The following VPS45 variants were observed in gnomAD, a reference collection of about 807,000 sequenced individuals.
VPS45 encodes the protein vacuolar protein sorting 45 homolog, also known as vacuolar protein sorting-associated protein 45.
In VPS45, 35 loss-of-function variants were observed where a neutral mutation model predicts 75.9. That is an observed-to-expected ratio of 0.46 (90% CI 0.35 to 0.61). VPS45 has a LOEUF of 0.61. Ranked by LOEUF, VPS45 falls within the 20% of genes least tolerant of loss-of-function variation. The pLI, the probability that VPS45 is intolerant of heterozygous loss-of-function variation, is 0.00. For missense variants in VPS45, 559 were observed against 685.9 expected, an observed-to-expected ratio of 0.81 and a Z score of 2.07; for synonymous variants, 220 against 238.2, an observed-to-expected ratio of 0.92 and a Z score of 0.70.
At chr1:150,067,993 A>G (rs1553796217) in intron 1 of VPS45, 43 bp downstream of exon 1, 1 of 1,559,846 alleles carries the variant, frequency 6.4e-7, no homozygotes, top group South Asian at 1.1e-5. Context: ...AACCCTCTCA[A>G]CCTTACAATT....
Position 150,076,063 on chromosome 1 carries a change from A to AATATATAT in VPS45, c.290-156_290-149dup, listed in dbSNP as rs71825614. ...CACCGCGCCTGGCCAGTCCTTTTAA[A>AATATATAT]ATATATATATATATATATATAAAAT... On this transcript the variant is annotated intron_variant, in intron 3 of 14. Transcript: ENST00000644510. 5.0e-3 allele frequency among the ~76,000 whole-genome samples: 702 copies of AATATATAT among 140,038 alleles called. 8 individuals carry two copies. Among genetic ancestry groups the AATATATAT allele is most frequent in the African/African-American group, 0.019 (660 of 35,274 alleles). 91.9% of individuals were successfully genotyped at this position (140,038 alleles called of 152,430 possible). A position where few individuals can be genotyped will look rare whatever the true frequency, so the allele number is the denominator to read the frequency against.
At position 150,077,656 on chromosome 1, in the gene VPS45, C is replaced by A. The variant is rs375079523; in HGVS notation, c.577-13C>A. On this transcript the variant is annotated splice_polypyrimidine_tract_variant and intron_variant, in intron 6 of 14. Transcript: ENST00000644510. Reference sequence around the variant, plus strand: ...AGATGGTTGCACAAACCATCTTTCTCTCTCACCCACAGCAAGTGATAACTA... The same window carrying A: ...AGATGGTTGCACAAACCATCTTTCTATCTCACCCACAGCAAGTGATAACTA... 2 of 1,588,058 alleles carry A rather than the reference C, an allele frequency of 1.3e-6. No homozygotes were observed. Among genetic ancestry groups the A allele is most frequent in the Non-Finnish European group, 1.7e-6 (2 of 1,156,622 alleles).
At chr1:150,077,875 C>T in intron 7 of VPS45, 96 bp downstream of exon 7, 2 of 998,484 alleles carry the variant, frequency 2.0e-6, no homozygotes, top group Non-Finnish European at 3.1e-6. Flanking sequence ...ATTTATTTGC[C>T]TCCTTATTTT....
In VPS45 at chr1:150,098,031, T is replaced by C. The variant is rs375626660; in HGVS notation, c.1493+4383T>C. 9.9e-5 allele frequency among the ~76,000 whole-genome samples: 15 copies of C among 152,224 alleles called. No individual in the cohort carries two copies. In the East Asian group the frequency reaches 2.3e-3, roughly 24 times the overall value. ...TACCTAGCTAATTTTTGCATTTTTA[T>C]AGAGACAAGGTTTTGCTATGTTGCC... On this transcript the variant is annotated intron_variant, in intron 13 of 14. Coordinates refer to ENST00000644510, the MANE Select transcript of VPS45 (RefSeq NM_007259.5).
Position 150,144,705 on chromosome 1 carries a change from T to C in VPS45, c.1626-4T>C, listed in dbSNP as rs1327671540. On this transcript the variant is annotated splice_region_variant and splice_polypyrimidine_tract_variant and intron_variant, in intron 14 of 14. Transcript: ENST00000644510. ...CCTTCAAGTAACCTCAAACTACTTA[T>C]CAGTTTCCTAGAGGAAGTTCTGGCT... 6.8e-6 allele frequency: 11 copies of C among 1,609,220 alleles called. No homozygotes were observed. The highest frequency in any genetic ancestry group is 8.5e-6 in the Non-Finnish European group (10 of 1,177,320).
rs587622526 is a variant in VPS45, at chr1:150,116,337, G to T, written c.1625+5710G>T. 3.3e-5 allele frequency among the ~76,000 whole-genome samples: 5 copies of T among 152,264 alleles called. No homozygotes were observed. The East Asian group carries it at 9.6e-4, about 29-fold the overall frequency. ...GCTATTTTTTCAAGTGTCTCCCTTTGCTGCTAATAAAGCAATAATAGTTCA... is the reference window on the plus strand; with the variant it reads ...GCTATTTTTTCAAGTGTCTCCCTTTTCTGCTAATAAAGCAATAATAGTTCA... On this transcript the variant is annotated intron_variant, in intron 14 of 14. Coordinates refer to ENST00000644510, the MANE Select transcript of VPS45 (RefSeq NM_007259.5).
intron 10 of VPS45, among the ~76,000 whole-genome samples, chr1:150,086,971 C>CAAA (rs1553800822): frequency 0.16 from 23,127 of 149,062 alleles, 1,865 homozygotes; most frequent in African/African-American, 0.2. Context: ...TAAACTAAAA[C>CAAA]AAAAAAAAAG....
In VPS45 at chr1:150,076,905, T is replaced by C. The variant is rs782621019; in HGVS notation, c.370-11T>C. On this transcript the variant is annotated splice_polypyrimidine_tract_variant and intron_variant, in intron 4 of 14. Coordinates refer to ENST00000644510, the MANE Select transcript of VPS45 (RefSeq NM_007259.5). ...TTTATGGAATGACTATTCTTGGTGCTTTATTTGCAGGAATTTTATGGTGAT... is the reference window on the plus strand; with the variant it reads ...TTTATGGAATGACTATTCTTGGTGCCTTATTTGCAGGAATTTTATGGTGAT... 1.4e-5 allele frequency: 23 copies of C among 1,613,862 alleles called. No homozygotes were observed. Among genetic ancestry groups the C allele is most frequent in the African/African-American group, 2.7e-5 (2 of 74,942 alleles).
chr1:150,099,831 T>TC lies in VPS45; in HGVS notation c.1493+6184dup, dbSNP rs1380276750. Among the ~76,000 whole-genome samples the TC allele has an allele frequency of 2.7e-3, 23 of 8,542 alleles. No individual in the cohort carries two copies. In the East Asian group the frequency reaches 0.034, roughly 13 times the overall value. The allele number at this position is 8,542 out of a possible 152,430, so 5.6% of individuals were successfully genotyped here. A position where few individuals can be genotyped will look rare whatever the true frequency, so the allele number is the denominator to read the frequency against. ...CTGGGGGACAGAGCGAGACTCCGTC[T>TC]CAAAAAAAAAAAAAAAAAAAGAGCC... On this transcript the variant is annotated intron_variant, in intron 13 of 14. Coordinates refer to ENST00000644510, the MANE Select transcript of VPS45 (RefSeq NM_007259.5).
chr1:150,068,902 T>TG, intron 2 of VPS45, 138 bp downstream of exon 2: 1 of 917,698 alleles, frequency 1.1e-6, no homozygotes, highest in Non-Finnish European at 1.5e-6. Flanking sequence ...TGTTATAACC[T>TG]TCATTTTTCT....
intron 14 of VPS45, among the ~76,000 whole-genome samples, chr1:150,133,593 A>G (rs1559944716): frequency 6.6e-6 from 1 of 152,132 alleles, no homozygotes; most frequent in African/African-American, 2.4e-5. Context: ...TTCAGCATTC[A>G]TGGTTGCTAC....
chr1:150,067,655 G>A, upstream of VPS45: 1 of 548,504 alleles, frequency 1.8e-6, no homozygotes, highest in East Asian at 3.1e-5. Flanking sequence ...GGCCGTCTCA[G>A]CCGGATTTTT....
In VPS45 at chr1:150,081,385, A is replaced by G; in HGVS notation, c.731A>G (p.Asn244Ser). Reference protein sequence around the residue: ...AMVHELLGINNNRIDLSRVPG... With the variant: ...AMVHELLGINSNRIDLSRVPG... The stretch of plus-strand genomic sequence containing the variant: ...GTCCACGAACTACTAGGCATAAACA[A>G]CAATCGGATTGATCTTTCCAGAGTG... Residue 244 changes from asparagine to serine, a missense_variant, in exon 8 of 15, where the codon AAC becomes AGC. Transcript: ENST00000644510. 6.2e-7 allele frequency: 1 copy of G among 1,608,668 alleles called. No individual in the cohort carries two copies. Among genetic ancestry groups the G allele is most frequent in the Non-Finnish European group, 8.5e-7 (1 of 1,178,468 alleles).
At chr1:150,144,344 T>C (rs1659562624) in intron 14 of VPS45, among the ~76,000 whole-genome samples, 1 of 152,182 alleles carries the variant, frequency 6.6e-6, no homozygotes, top group African/African-American at 2.4e-5. Flanking sequence ...CTGAGACAGT[T>C]TCAAGAGTAC....
In VPS45 at chr1:150,077,249, C is replaced by T. The variant is rs781870084; in HGVS notation, c.576+18C>T. Reference sequence around the variant, plus strand: ...GCGTTAAGGTATGGCATTACCTATTCCTGGTTCCAAAACATAAAGGCCATT... The same window carrying T: ...GCGTTAAGGTATGGCATTACCTATTTCTGGTTCCAAAACATAAAGGCCATT... On this transcript the variant is annotated intron_variant, in intron 6 of 14. Transcript: ENST00000644510. 2.7e-5 allele frequency: 43 copies of T among 1,599,740 alleles called. No individual in the cohort carries two copies. Among genetic ancestry groups the T allele is most frequent in the Non-Finnish European group, 3.5e-5 (41 of 1,175,894 alleles).
At chr1:150,130,355 AT>A (rs1247163076) in intron 14 of VPS45, among the ~76,000 whole-genome samples, 2 of 151,686 alleles carry the variant, frequency 1.3e-5, no homozygotes, top group African/African-American at 2.4e-5. Context: ...TGCCCAACTA[AT>A]TTTTATATTT....
At chr1:150,095,793 G>A (rs1656613770) in intron 13 of VPS45, among the ~76,000 whole-genome samples, 1 of 152,090 alleles carries the variant, frequency 6.6e-6, no homozygotes, top group South Asian at 2.1e-4. Context: ...GATAGGTAGG[G>A]TTGGATCACA....
intron 14 of VPS45, among the ~76,000 whole-genome samples, chr1:150,117,279 T>C (rs1657988770): frequency 6.6e-6 from 1 of 151,398 alleles, no homozygotes; most frequent in Non-Finnish European, 1.5e-5. Flanking sequence ...CCCAGCACTT[T>C]GGGAGGCCAA....
At chr1:150,076,796 A>G in intron 4 of VPS45, 120 bp from the exon 5 acceptor site, 2 of 1,007,754 alleles carry the variant, frequency 2.0e-6, no homozygotes, top group Non-Finnish European at 3.0e-6. Flanking sequence ...ACAATTTAGT[A>G]TCTCTTTACA....
Sources: gnomAD v4.1 joint callset for allele counts (sites outside exome capture counted in the v4.1 genomes callset) on GRCh38, gnomAD v4.1.1 for gene constraint, MANE v1.5 for transcripts, NCBI Gene and HGNC (gene_info 2026-07-23, HGNC 2026-07-21) for gene names.